The following AZIN2 variants were observed in gnomAD, a reference collection of about 807,000 sequenced individuals.
AZIN2 encodes antizyme inhibitor 2.
Under a neutral mutation model 47.8 loss-of-function variants are expected in AZIN2, and 28 were observed. The ratio of observed to expected loss-of-function variants is 0.59; its 90% CI spans 0.43 to 0.80. AZIN2 has a LOEUF of 0.80. AZIN2 is among the 30% of genes least tolerant of loss of function. The probability of loss-of-function intolerance (pLI) is 0.00; values close to 1 mark genes in which losing one functional copy is unlikely to be tolerated. For synonymous variants in AZIN2, 221 were observed against 239.4 expected (o/e 0.92, Z 0.71); for missense variants, 535 against 582.5 (o/e 0.92, Z 0.84).
chr1:33,147,604 A>T, the AZIN2 span: 3 of 1,614,076 alleles, frequency 1.9e-6, no homozygotes, highest in Middle Eastern at 1.6e-4. This position sits in a 1 kb window ranked among gnomAD's most constrained non-coding sequence, Gnocchi z 8.1. Flanking sequence ...CTCCACATCG[A>T]AGCGCTTTGG....
chr1:33,137,198 A>G, the AZIN2 span, among the ~76,000 whole-genome samples: 26 of 152,254 alleles, frequency 1.7e-4, no homozygotes, highest in East Asian at 4.6e-3. Context: ...ATCACAGGGT[A>G]GTATGGGGAC....
Position 33,082,337 on chromosome 1 carries a change from G to T in AZIN2, c.88G>T (p.Ala30Ser). Residue 30 changes from alanine (A) to serine (S), a missense_variant, in exon 4 of 12, where the codon GCC (alanine) becomes TCC (serine). Physicochemically the swap from Ala to Ser is moderately conservative, Grantham distance 99. This residue lies in a region of AZIN2 where 409 missense variants were observed against 429.0 expected (regional missense o/e 0.95). Coordinates refer to ENST00000294517, the MANE Select transcript of AZIN2 (RefSeq NM_052998.4). ...RDLLKELTLG[A>S]SQATTDEVAA... is the part of the protein sequence containing the mutation. ...CCTGCTGAAGGAACTCACTCTGGGG[G>T]CCTCACAGGCCACCACGGTGAGGGG... 2 of 1,613,666 alleles carry T rather than the reference G, an allele frequency of 1.2e-6. No individual in the cohort carries two copies. The highest frequency in any genetic ancestry group is 1.7e-6 in the Non-Finnish European group (2 of 1,179,816).
intron 5 of AZIN2, among the ~76,000 whole-genome samples, 191 bp downstream of exon 5, chr1:33,084,318 G>A (rs1454208023): frequency 6.6e-6 from 1 of 152,218 alleles, no homozygotes; most frequent in Non-Finnish European, 1.5e-5. Flanking sequence ...TGTCAGCCTT[G>A]AAGTTCCAGA....
chr1:33,083,934 A>G lies in AZIN2; in HGVS notation c.106-20A>G, dbSNP rs78676039. 9.4e-3 allele frequency: 15,122 copies of G among 1,613,758 alleles called. 108 individuals carry two copies. The highest frequency in any genetic ancestry group is 0.03 in the African/African-American group (2,270 of 75,038). ...GCGAGCTGGATGGGGTCTCACATTC[A>G]TCCACTTCTTGTCATTCAGGACGAG... On this transcript the variant is annotated intron_variant, in intron 4 of 11. Coordinates refer to ENST00000294517, the MANE Select transcript of AZIN2 (RefSeq NM_052998.4).
At chr1:33,101,002 C>G (rs1643641135) in intron 10 of AZIN2, among the ~76,000 whole-genome samples, 1 of 152,066 alleles carries the variant, frequency 6.6e-6, no homozygotes, top group Admixed American at 6.6e-5. Flanking sequence ...GCTGGGATTA[C>G]AGGTGTGTGC....
intron 10 of AZIN2, among the ~76,000 whole-genome samples, chr1:33,102,517 T>C (rs1205709788): frequency 2.6e-5 from 4 of 152,070 alleles, no homozygotes; most frequent in African/African-American, 9.7e-5. Flanking sequence ...CAGCAGCTGG[T>C]CCTCCTCTGT....
At chr1:33,158,276 G>A in the AZIN2 span, 1 of 1,614,034 alleles carries the variant, frequency 6.2e-7, no homozygotes, top group Non-Finnish European at 8.5e-7. Context: ...CTGGAACAGG[G>A]ACTTCCAGAT....
the AZIN2 span, among the ~76,000 whole-genome samples, chr1:33,138,740 T>A: frequency 6.6e-6 from 1 of 152,224 alleles, no homozygotes; most frequent in African/African-American, 2.4e-5. Flanking sequence ...CCTTTGTGTC[T>A]TGTGTATTTT....
Position 33,096,818 on chromosome 1 carries a change from G to A in AZIN2, c.865G>A (p.Val289Ile). The change falls in exon 9 of 12, where the codon GTC becomes ATC. Residue 289 changes from valine (V) to isoleucine (I), a missense_variant. By Grantham distance (29) the Val-to-Ile change is conservative (BLOSUM62 3). This residue lies in a region of AZIN2 where 409 missense variants were observed against 429.0 expected (regional missense o/e 0.95). Coordinates refer to ENST00000294517, the MANE Select transcript of AZIN2 (RefSeq NM_052998.4). ...YYVTSAFTVAVSIIAKKEVLL... is the reference protein window; with the variant it reads ...YYVTSAFTVAISIIAKKEVLL... ...CGTGACCTCGGCCTTCACTGTGGCA[G>A]TCAGCATCATTGCCAAGAAGGAGGT... is the stretch of plus-strand genomic sequence containing the variant. The A allele has an allele frequency of 6.2e-7, 1 of 1,614,224 alleles. No homozygotes were observed. Among genetic ancestry groups the A allele is most frequent in the South Asian group, 1.1e-5 (1 of 91,084 alleles).
At chr1:33,149,872 T>C in the AZIN2 span, among the ~76,000 whole-genome samples, 1 of 152,222 alleles carries the variant, frequency 6.6e-6, no homozygotes, top group Admixed American at 6.5e-5. Context: ...TACTGTCTAA[T>C]GGGGCTCTCC....
chr1:33,120,167 A>C lies in AZIN2; in HGVS notation c.1368A>C (p.Pro456=), dbSNP rs759879555. The C allele has an allele frequency of 1.2e-5, 19 of 1,607,866 alleles. No homozygotes were observed. Among genetic ancestry groups the C allele is most frequent in the Non-Finnish European group, 1.5e-5 (18 of 1,175,184 alleles). ...TGTGCGTGGGCCCTGTCTTCACCCCAGCGAGCATCATGTGAGTGGGCCTCG... is the reference window on the plus strand; with the variant it reads ...TGTGCGTGGGCCCTGTCTTCACCCCCGCGAGCATCATGTGAGTGGGCCTCG... The part of the protein sequence containing the change: ...DTLCVGPVFT[P]ASIM Residue 456 remains proline (P), a synonymous_variant, in exon 12 of 12, where the codon CCA becomes CCC. Coordinates refer to ENST00000294517, the MANE Select transcript of AZIN2 (RefSeq NM_052998.4).
At chr1:33,148,688 A>G in the AZIN2 span, among the ~76,000 whole-genome samples, 1 of 152,224 alleles carries the variant, frequency 6.6e-6, no homozygotes, top group South Asian at 2.1e-4. Flanking sequence ...ACATATACAC[A>G]CACAACACTT....
the AZIN2 span, among the ~76,000 whole-genome samples, chr1:33,132,750 C>T: frequency 1.0e-3 from 158 of 152,306 alleles, 1 homozygote; most frequent in East Asian, 0.027. Context: ...GCACATGGCA[C>T]GCACTTGAGT....
At position 33,082,186 on chromosome 1, in the gene AZIN2, A is replaced by C; in HGVS notation, c.-64A>C. 7.2e-7 allele frequency: 1 copy of C among 1,391,284 alleles called. No individual in the cohort carries two copies. The highest frequency in any genetic ancestry group is 1.0e-6 in the Non-Finnish European group (1 of 987,322). 86.2% of individuals were successfully genotyped at this position (1,391,284 alleles called of 1,614,324 possible). ...CTCCCCTCGCCCCGCAGTGTGTTGC[A>C]TACTTTCTAAGGCGGCGGCTGCAGC... On this transcript the variant is annotated 5_prime_UTR_variant, in exon 4 of 12. Transcript: ENST00000294517.
downstream of AZIN2, among the ~76,000 whole-genome samples, chr1:33,124,121 C>T (rs1388358724): frequency 1.3e-5 from 2 of 152,022 alleles, no homozygotes; most frequent in East Asian, 3.9e-4. The surrounding 1 kb of genome is among the most constrained non-coding windows in gnomAD (Gnocchi z 4.6). Context: ...AGCCGAGATC[C>T]TGCCATTGCA....
rs1644814102 is a variant in AZIN2, at chr1:33,122,505, T to TAG, written c.*2323_*2324insAG. On this transcript the variant is annotated 3_prime_UTR_variant, in exon 12 of 12. Transcript: ENST00000294517. ...TGTTTTTGTTTCTTATTTCAATCTT[T>TAG]TTCTAAAGAGAAGAAAAAAGCCTGA... Among the ~76,000 whole-genome samples, 1 of 152,248 alleles carries TAG rather than the reference T, an allele frequency of 6.6e-6. No homozygotes were observed. The highest frequency in any genetic ancestry group is 2.4e-5 in the African/African-American group (1 of 41,466).
downstream of AZIN2, among the ~76,000 whole-genome samples, chr1:33,125,464 C>A (rs570731332): frequency 1.3e-5 from 2 of 152,230 alleles, no homozygotes; most frequent in Non-Finnish European, 2.9e-5. Context: ...TTACTGACTT[C>A]TTTCTTGCCT....
Position 33,121,244 on chromosome 1 carries a change from C to T in AZIN2, c.*1062C>T, listed in dbSNP as rs141951231. Among the ~76,000 whole-genome samples the T allele has an allele frequency of 1.9e-3, 282 of 152,328 alleles. 1 individual carries two copies. Among genetic ancestry groups the T allele is most frequent in the African/African-American group, 6.5e-3 (272 of 41,570 alleles). ...CAATTAAAAGATTTGAGATGTAATT[C>T]ATATGCAATCATCAAATTCACCCTT... On this transcript the variant is annotated 3_prime_UTR_variant, in exon 12 of 12. Coordinates refer to ENST00000294517, the MANE Select transcript of AZIN2 (RefSeq NM_052998.4).
the AZIN2 span, among the ~76,000 whole-genome samples, chr1:33,143,811 A>G: frequency 2.0e-5 from 3 of 152,236 alleles, no homozygotes; most frequent in Admixed American, 2.0e-4. Context: ...GAGAGCACCC[A>G]GTGGCCTGGG....
Sources: allele counts gnomAD v4.1 joint callset (sites outside exome capture counted in the v4.1 genomes callset), GRCh38; gene constraint gnomAD v4.1.1; regional missense constraint gnomAD v4.1.1; non-coding constraint Gnocchi (gnomAD v3.1); transcripts MANE v1.5; gene names NCBI Gene and HGNC (gene_info 2026-07-23, HGNC 2026-07-21).